Variants in MAGI2 observed in about 807,000 individuals in gnomAD.
MAGI2 encodes the protein membrane-associated guanylate kinase, WW and PDZ domain-containing protein 2.
MAGI2 carries 35 observed loss-of-function variants against 133.3 expected under a neutral mutation model. The ratio of observed to expected loss-of-function variants is 0.26; its 90% confidence interval spans 0.20 to 0.35. The LOEUF is 0.35. MAGI2 is among the 10% of genes least tolerant of loss of function. The pLI, the probability that MAGI2 is intolerant of heterozygous loss-of-function variation, is 1.00. For synonymous variants in MAGI2, 729 were observed against 710.6 expected (o/e 1.03, Z -0.41); for missense variants, 1,636 against 1,863.4 (o/e 0.88, Z 2.25).
intron 2 of MAGI2, among the ~76,000 whole-genome samples, chr7:78,775,550 C>A (rs1042307410): frequency 3.3e-5 from 5 of 152,030 alleles, no homozygotes; most frequent in African/African-American, 1.2e-4. Context: ...CCTCTCCCTT[C>A]TTTCTCTATC....
intron 2 of MAGI2, among the ~76,000 whole-genome samples, chr7:78,841,616 A>G (rs1163179242): frequency 6.6e-6 from 1 of 151,950 alleles, no homozygotes; most frequent in African/African-American, 2.4e-5. Flanking sequence ...GATCCACCCA[A>G]CTTCCAACTG....
chr7:79,300,180 T>C (rs1031971878), intron 1 of MAGI2, among the ~76,000 whole-genome samples: 5 of 152,164 alleles, frequency 3.3e-5, no homozygotes, highest in African/African-American at 1.2e-4. Context: ...AACTGCGTAA[T>C]GGGCAGAGGT....
At chr7:78,585,482 T>G (rs909667365) in intron 3 of MAGI2, among the ~76,000 whole-genome samples, 1 of 152,042 alleles carries the variant, frequency 6.6e-6, no homozygotes, top group African/African-American at 2.4e-5. Context: ...GATACGTAGT[T>G]GAAAGTGGAA....
In MAGI2 at chr7:78,018,084, C is replaced by A. The variant is rs1410632155; in HGVS notation, c.*1231G>T. ...AAGACTTAGAATTTTACTAGGAGGTCAATCATAGATCCATGAAGATAAACA... is the reference window on the plus strand; with the variant it reads ...AAGACTTAGAATTTTACTAGGAGGTAAATCATAGATCCATGAAGATAAACA... On this transcript the variant is annotated 3_prime_UTR_variant, in exon 22 of 22. Coordinates refer to ENST00000354212, the MANE Select transcript of MAGI2 (RefSeq NM_012301.4). 6.6e-6 allele frequency: 1 copy of A among 152,076 alleles called. No individual in the cohort carries two copies. The highest frequency in any genetic ancestry group is 6.5e-5 in the Admixed American group (1 of 15,268). The allele number at this position is 152,076 out of a possible 1,614,324, so 9.4% of individuals were successfully genotyped here. A position where few individuals can be genotyped will look rare whatever the true frequency, so the allele number is the denominator to read the frequency against.
At position 78,566,823 on chromosome 7, in the gene MAGI2, A is replaced by G. The variant is rs552837602; in HGVS notation, c.539-45178T>C. ...ATAATAATATATAAAACTATTATTT[A>G]TAGCATCAAGGCCTAAAAAAATTCA... On this transcript the variant is annotated intron_variant, in intron 3 of 21. Coordinates refer to ENST00000354212, the MANE Select transcript of MAGI2 (RefSeq NM_012301.4). Among the ~76,000 whole-genome samples the G allele has an allele frequency of 3.3e-5, 5 of 152,316 alleles. No homozygotes were observed. The South Asian group carries it at 6.2e-4, about 19-fold the overall frequency.
At chr7:78,831,623 A>G (rs1233133327) in intron 2 of MAGI2, among the ~76,000 whole-genome samples, 1 of 152,176 alleles carries the variant, frequency 6.6e-6, no homozygotes, top group Non-Finnish European at 1.5e-5. Flanking sequence ...GATTTTTCAG[A>G]ACAATGTAAC....
At chr7:78,749,878 T>C (rs898339182) in intron 2 of MAGI2, among the ~76,000 whole-genome samples, 5 of 152,072 alleles carry the variant, frequency 3.3e-5, no homozygotes, top group African/African-American at 1.2e-4. Context: ...ATTTAAGAAA[T>C]ACATATTGAG....
intron 21 of MAGI2, among the ~76,000 whole-genome samples, chr7:78,065,983 CT>C (rs768767059): frequency 6.6e-6 from 1 of 152,106 alleles, no homozygotes; most frequent in Non-Finnish European, 1.5e-5. Flanking sequence ...TTCTTGTAGG[CT>C]TTTCTCATAA....
chr7:79,447,985 G>A (rs775577275), intron 1 of MAGI2, among the ~76,000 whole-genome samples: 34 of 151,812 alleles, frequency 2.2e-4, no homozygotes, highest in African/African-American at 7.5e-4. Context: ...CTACAATGAT[G>A]TATTAATATA....
chr7:79,441,355 A>G (rs1293601774), intron 1 of MAGI2, among the ~76,000 whole-genome samples: 1 of 152,220 alleles, frequency 6.6e-6, no homozygotes, highest in Non-Finnish European at 1.5e-5. Context: ...AGTCAATGTT[A>G]AAAGCGTCAA....
intron 1 of MAGI2, among the ~76,000 whole-genome samples, chr7:79,262,324 G>C (rs558824970): frequency 1.8e-4 from 27 of 152,222 alleles, no homozygotes; most frequent in African/African-American, 5.3e-4. Context: ...GTGAGCCAGA[G>C]AGACATGTGA....
At position 78,501,798 on chromosome 7, in the gene MAGI2, A is replaced by C; in HGVS notation, c.755-11T>G. On this transcript the variant is annotated splice_polypyrimidine_tract_variant and intron_variant, in intron 4 of 21. Transcript: ENST00000354212. ...CATGTTCACTGGATTCTATAAGAGA[A>C]CAAGAGCACGTGGTTAGTCACTCCA... 1 of 1,609,738 alleles carries C rather than the reference A, an allele frequency of 6.2e-7. No homozygotes were observed. The highest frequency in any genetic ancestry group is 1.1e-5 in the South Asian group (1 of 90,952).
chr7:78,861,331 G>C (rs779646436), intron 2 of MAGI2, among the ~76,000 whole-genome samples: 5 of 152,178 alleles, frequency 3.3e-5, no homozygotes, highest in Non-Finnish European at 7.3e-5. Context: ...TTTCAGACTA[G>C]AGCTGTTCCT....
intron 16 of MAGI2, among the ~76,000 whole-genome samples, chr7:78,154,342 G>A (rs1020650752): frequency 5.3e-5 from 8 of 152,208 alleles, no homozygotes; most frequent in Admixed American, 1.3e-4. Context: ...GCACACATGT[G>A]GAAACAAAGA....
intron 2 of MAGI2, among the ~76,000 whole-genome samples, chr7:78,700,759 A>G (rs561818218): frequency 6.6e-6 from 1 of 151,986 alleles, no homozygotes; most frequent in Non-Finnish European, 1.5e-5. Context: ...CCCTAAAGTC[A>G]TATCACCAAA....
chr7:78,367,166 G>A (rs1793467811), intron 7 of MAGI2, among the ~76,000 whole-genome samples: 1 of 149,474 alleles, frequency 6.7e-6, no homozygotes, highest in African/African-American at 2.5e-5. Context: ...TTCGTTTAGG[G>A]TTACAGCCAG....
intron 3 of MAGI2, among the ~76,000 whole-genome samples, chr7:78,626,899 A>G (rs547024517): frequency 6.6e-6 from 1 of 150,654 alleles, no homozygotes; most frequent in Non-Finnish European, 1.5e-5. Context: ...TATATATATA[A>G]AATATAAAAT....
chr7:78,325,378 T>A (rs1788479992), intron 9 of MAGI2, among the ~76,000 whole-genome samples: 1 of 152,216 alleles, frequency 6.6e-6, no homozygotes, highest in African/African-American at 2.4e-5. Context: ...ACATACTACC[T>A]GACCTAACCT....
At chr7:78,743,501 C>T (rs1822624017) in intron 2 of MAGI2, among the ~76,000 whole-genome samples, 1 of 152,192 alleles carries the variant, frequency 6.6e-6, no homozygotes. Context: ...GCCTGCAGTA[C>T]ATTTTGCACT....
Sources: gnomAD v4.1 joint callset for allele counts (sites outside exome capture counted in the v4.1 genomes callset) on GRCh38, gnomAD v4.1.1 for gene constraint, MANE v1.5 for transcripts, NCBI Gene and HGNC (gene_info 2026-07-23, HGNC 2026-07-21) for gene names.